PCDHA2: variants seen among roughly 807,000 people sequenced by gnomAD.
The protein encoded by PCDHA2 is protocadherin alpha 2.
In PCDHA2, 58 loss-of-function variants were observed where a neutral mutation model predicts 66.0. The ratio of observed to expected loss-of-function variants is 0.88; its 90% CI spans 0.71 to 1.09. The LOEUF (loss-of-function observed/expected upper bound fraction) is 1.09. Ranked by LOEUF, PCDHA2 falls within the 50% of genes least tolerant of loss-of-function variation. The pLI, the probability that PCDHA2 is intolerant of heterozygous loss-of-function variation, is 0.00. For missense variants in PCDHA2, 1,267 were observed against 1,242.3 expected (o/e 1.02, Z -0.30); for synonymous variants, 634 against 554.0 (o/e 1.14, Z -2.03).
intron 1 of PCDHA2, chr5:140,828,633 A>T (rs1221844247): frequency 6.2e-7 from 1 of 1,614,094 alleles, no homozygotes; most frequent in Non-Finnish European, 8.5e-7. Context: ...TTCGGGCTAG[A>T]TGTGAAAATA....
intron 1 of PCDHA2, among the ~76,000 whole-genome samples, chr5:140,944,623 T>G (rs535315515): frequency 2.0e-5 from 3 of 152,202 alleles, no homozygotes; most frequent in Non-Finnish European, 4.4e-5. Flanking sequence ...AGAAGTATAG[T>G]GTTGTAAGCC....
intron 1 of PCDHA2, among the ~76,000 whole-genome samples, chr5:140,799,355 G>A (rs1460253918): frequency 6.6e-6 from 1 of 151,892 alleles, no homozygotes; most frequent in Non-Finnish European, 1.5e-5. Flanking sequence ...GTTGTCAAAG[G>A]CATCTCATTA....
intron 1 of PCDHA2, chr5:140,871,628 T>C: frequency 7.1e-7 from 1 of 1,401,496 alleles, no homozygotes; most frequent in South Asian, 1.5e-5. Flanking sequence ...GATAACAATG[T>C]CTGTTCATAA....
intron 1 of PCDHA2, among the ~76,000 whole-genome samples, chr5:140,905,832 G>A (rs1292036271): frequency 1.3e-5 from 2 of 152,150 alleles, no homozygotes; most frequent in Non-Finnish European, 2.9e-5. Context: ...TGTATATAAA[G>A]GGGAGTTTAT....
intron 1 of PCDHA2, chr5:140,968,218 A>C (rs1586280879): frequency 6.2e-7 from 1 of 1,614,012 alleles, no homozygotes. Flanking sequence ...ACAATTTGCC[A>C]GGTGTGTTGC....
chr5:140,958,159 A>T (rs782390357), intron 1 of PCDHA2, among the ~76,000 whole-genome samples: 35 of 152,134 alleles, frequency 2.3e-4, no homozygotes, highest in Non-Finnish European at 4.3e-4. Flanking sequence ...CATAGTCAAA[A>T]GCCTGGAGTG....
chr5:140,937,099 G>T (rs890589684), intron 1 of PCDHA2, among the ~76,000 whole-genome samples: 1 of 149,656 alleles, frequency 6.7e-6, no homozygotes, highest in Non-Finnish European at 1.5e-5. Flanking sequence ...GTGCAGTGGC[G>T]CAGTCTCGGC....
intron 1 of PCDHA2, among the ~76,000 whole-genome samples, chr5:140,924,252 G>C (rs1306870811): frequency 1.3e-5 from 2 of 152,214 alleles, no homozygotes; most frequent in African/African-American, 4.8e-5. Flanking sequence ...ATCCTGGTGA[G>C]ATCTAATGAG....
chr5:140,807,272 G>A, intron 1 of PCDHA2: 1 of 1,614,228 alleles, frequency 6.2e-7, no homozygotes, highest in Non-Finnish European at 8.5e-7. Flanking sequence ...GGCAGGGAAC[G>A]GTCAGCTCCA....
chr5:140,870,480 C>T, intron 1 of PCDHA2: 1 of 1,614,236 alleles, frequency 6.2e-7, no homozygotes, highest in Non-Finnish European at 8.5e-7. Context: ...AGCCCGAGTA[C>T]ACCGTGTTCG....
At chr5:140,997,465 A>G (rs1427334533) in intron 3 of PCDHA2, among the ~76,000 whole-genome samples, 1 of 152,182 alleles carries the variant, frequency 6.6e-6, no homozygotes, top group Non-Finnish European at 1.5e-5. Flanking sequence ...ACTGTAGGCA[A>G]TTTTTACACA....
In PCDHA2 at chr5:140,796,163, C is replaced by T. The variant is rs1762042654; in HGVS notation, c.1199C>T (p.Thr400Ile). 1.2e-6 allele frequency: 2 copies of T among 1,614,240 alleles called. No homozygotes were observed. Among genetic ancestry groups the T allele is most frequent in the South Asian group, 2.2e-5 (2 of 91,086 alleles). Residue 400 changes from threonine to isoleucine, a missense_variant, in exon 1 of 4, where the codon ACC (threonine) becomes ATC (isoleucine). Physicochemically the swap from Thr to Ile is moderately conservative, Grantham distance 89 (BLOSUM62 -1). Transcript: ENST00000526136. ...CACGTCCCTTTCAAGCTGGTGTCCA[C>T]CTTCAAGAATTACTACTCGTTGGTG... ...TPHVPFKLVS[T>I]FKNYYSLVLD...
intron 1 of PCDHA2, chr5:140,831,253 C>T (rs1343986683): frequency 6.6e-6 from 1 of 152,124 alleles, no homozygotes; most frequent in African/African-American, 2.4e-5. Flanking sequence ...TCTCTTATTT[C>T]TGTTTGAATT....
intron 1 of PCDHA2, chr5:140,856,494 C>A: frequency 6.3e-7 from 1 of 1,598,382 alleles, no homozygotes; most frequent in Non-Finnish European, 8.6e-7. Flanking sequence ...CTGCTTGACT[C>A]TCGATTTCCA....
At chr5:140,951,832 C>A (rs2094641157) in intron 1 of PCDHA2, among the ~76,000 whole-genome samples, 1 of 152,142 alleles carries the variant, frequency 6.6e-6, no homozygotes, top group East Asian at 1.9e-4. Context: ...CTCATTCCAG[C>A]ATTAAGCCAA....
Position 140,946,631 on chromosome 5 carries a change from T to TATATATATATATATATATATATATAC in PCDHA2, c.2389-32317_2389-32316insTATATATATATATATATATATATACA, listed in dbSNP as rs57893927. ...TGTGAAATATATATATATATATATA[T>TATATATATATATATATATATATATAC]ACAATGGAATACTCATCAGCCATTA... On this transcript the variant is annotated intron_variant, in intron 1 of 3. Coordinates refer to ENST00000526136, the MANE Select transcript of PCDHA2 (RefSeq NM_018905.3). 3.1e-3 allele frequency among the ~76,000 whole-genome samples: 414 copies of TATATATATATATATATATATATATAC among 131,704 alleles called. 27 individuals carry two copies. Among genetic ancestry groups the TATATATATATATATATATATATATAC allele is most frequent in the African/African-American group, 0.013 (382 of 28,586 alleles). 86.4% of individuals were successfully genotyped at this position (131,704 alleles called of 152,430 possible). A position where few individuals can be genotyped will look rare whatever the true frequency, so the allele number is the denominator to read the frequency against.
intron 3 of PCDHA2, among the ~76,000 whole-genome samples, chr5:141,006,406 G>T (rs553100919): frequency 6.6e-6 from 1 of 151,932 alleles, no homozygotes; most frequent in African/African-American, 2.4e-5. Flanking sequence ...GTAGAGACGC[G>T]GTTTCACTGT....
At chr5:140,910,854 T>G (rs2075197535) in intron 1 of PCDHA2, among the ~76,000 whole-genome samples, 1 of 152,212 alleles carries the variant, frequency 6.6e-6, no homozygotes, top group East Asian at 1.9e-4. Flanking sequence ...GGATCTATGT[T>G]CCATCCACCA....
intron 1 of PCDHA2, among the ~76,000 whole-genome samples, chr5:140,906,797 A>G (rs2072940556): frequency 6.6e-6 from 1 of 151,964 alleles, no homozygotes; most frequent in African/African-American, 2.4e-5. Context: ...TTCCATGCAT[A>G]CTCTTCCTTA....
Sources: gnomAD v4.1 joint callset for allele counts (sites outside exome capture counted in the v4.1 genomes callset) on GRCh38, gnomAD v4.1.1 for gene constraint, MANE v1.5 for transcripts, NCBI Gene and HGNC (gene_info 2026-07-23, HGNC 2026-07-21) for gene names.